The following MED10 variants were observed in gnomAD, a reference collection of about 807,000 sequenced individuals.
The protein encoded by MED10 is mediator of RNA polymerase II transcription subunit 10.
In MED10, 9 loss-of-function variants were observed where a neutral mutation model predicts 17.2. The observed-to-expected ratio is 0.52, with a 90% CI of 0.31 to 0.91. MED10 has a LOEUF of 0.91. Ranked by LOEUF, MED10 falls within the 40% of genes least tolerant of loss-of-function variation. MED10 has a pLI of 0.04. For synonymous variants in MED10, 66 were observed against 59.8 expected, an observed-to-expected ratio of 1.10 and a Z score of -0.48; for missense variants, 129 against 164.8, an observed-to-expected ratio of 0.78 and a Z score of 1.19.
Position 6,372,348 on chromosome 5 carries a change from C to A in MED10, c.*155G>T, listed in dbSNP as rs1307199354. On this transcript the variant is annotated 3_prime_UTR_variant, in exon 4 of 4. Transcript: ENST00000255764. ...CAGCTCCGCCTCTCCTCCAGCCCCT[C>A]GGTCCCATGAGGCCAAACAATGAGG... 6.4e-6 allele frequency: 4 copies of A among 624,134 alleles called. No individual in the cohort carries two copies. The highest frequency in any genetic ancestry group is 1.1e-5 in the Non-Finnish European group (4 of 351,812). 38.7% of individuals were successfully genotyped at this position (624,134 alleles called of 1,614,324 possible).
Position 6,378,480 on chromosome 5 carries a change from C to T in MED10, c.4G>A (p.Ala2Thr). The change falls in exon 1 of 4, where the codon GCG becomes ACG. Residue 2 changes from alanine to threonine, a missense_variant. This residue lies in a region of MED10 where 23 missense variants were observed against 17.7 expected (regional missense o/e 1.30). Transcript: ENST00000255764. MAEKFDHLEEHL... is the reference protein window; with the variant it reads MTEKFDHLEEHL... ...TCCTCTAGGTGGTCAAACTTCTCCG[C>T]CATCGCCTCGGCCCGTCCCCGACCC... 1 of 1,611,538 alleles carries T rather than the reference C, an allele frequency of 6.2e-7. No homozygotes were observed.
rs968656857 is a variant in MED10, at chr5:6,378,385, G to A, written c.99C>T (p.Ser33=). Residue 33 remains serine (S), a synonymous_variant, in exon 1 of 4, where the codon AGC becomes AGT. Coordinates refer to ENST00000255764, the MANE Select transcript of MED10 (RefSeq NM_032286.3). ...ACAGCTTTTGGTTGAGCCCGGCCTGGCTGCTGGGCTGGAAGTCACTGACGA... is the reference window on the plus strand; with the variant it reads ...ACAGCTTTTGGTTGAGCCCGGCCTGACTGCTGGGCTGGAAGTCACTGACGA... ...GIIVSDFQPS[S]QAGLNQKLNF... is the part of the protein sequence containing the mutation. 1.2e-6 allele frequency: 2 copies of A among 1,612,318 alleles called. No individual in the cohort carries two copies. Among genetic ancestry groups the A allele is most frequent in the African/African-American group, 2.7e-5 (2 of 74,914 alleles).
intron 2 of MED10, among the ~76,000 whole-genome samples, chr5:6,376,040 T>C (rs1219665527): frequency 6.6e-6 from 1 of 152,332 alleles, no homozygotes; most frequent in South Asian, 2.1e-4. Flanking sequence ...TCTGTATTCC[T>C]GGACTGAGAA....
At position 6,377,245 on chromosome 5, in the gene MED10, A is replaced by T; in HGVS notation, c.127T>A (p.Phe43Ile). The T allele has an allele frequency of 6.2e-7, 1 of 1,608,614 alleles. No individual in the cohort carries two copies. Among genetic ancestry groups the T allele is most frequent in the Non-Finnish European group, 8.5e-7 (1 of 1,177,936 alleles). The change falls in exon 2 of 4, where the codon TTT (phenylalanine) becomes ATT (isoleucine). Residue 43 changes from phenylalanine (F) to isoleucine (I), a missense_variant. Phe to Ile is a conservative substitution (Grantham distance 21). Transcript: ENST00000255764. ...ATATCCTGTAAGCCAGTAACAATAA[A>T]ATTCCTGGGGGAAAGGCAAACACAC... is the stretch of plus-strand genomic sequence containing the variant. ...SQAGLNQKLN[F>I]IVTGLQDIDK...
At chr5:6,376,143 G>C (rs1324618795) in intron 2 of MED10, among the ~76,000 whole-genome samples, 2 of 152,164 alleles carry the variant, frequency 1.3e-5, no homozygotes, top group Non-Finnish European at 2.9e-5. Context: ...CACAGGTAAG[G>C]AACATGGGGC....
Position 6,378,529 on chromosome 5 carries a change from G to A in MED10, c.-46C>T, listed in dbSNP as rs768068955. On this transcript the variant is annotated 5_prime_UTR_variant, in exon 1 of 4. Coordinates refer to ENST00000255764, the MANE Select transcript of MED10 (RefSeq NM_032286.3). ...CCACACAGCCTCAACCAGCAGCGCC[G>A]CAGGCGTGGCCCTACGCTCCCGCTT... 3.2e-6 allele frequency: 5 copies of A among 1,582,476 alleles called. No individual in the cohort carries two copies. The highest frequency in any genetic ancestry group is 1.4e-5 in the African/African-American group (1 of 73,908).
At chr5:6,376,875 T>C (rs1237926264) in intron 2 of MED10, 2 of 218,398 alleles carry the variant, frequency 9.2e-6, no homozygotes, top group South Asian at 1.5e-4. Context: ...TGAGGACCTA[T>C]GATGTATTTC....
At chr5:6,373,222 C>T (rs1378277980) in intron 3 of MED10, among the ~76,000 whole-genome samples, 1 of 152,104 alleles carries the variant, frequency 6.6e-6, no homozygotes, top group Non-Finnish European at 1.5e-5. Flanking sequence ...CAGCTCCTCC[C>T]CTTGCTCCTC....
At position 6,377,161 on chromosome 5, in the gene MED10, CT is replaced by C; in HGVS notation, c.206+4del. ...CCCAAGACTAATATCAAGAATGTTA[CT>C]TACTCAAAAACTTCTAACGGTACAG... On this transcript the variant is annotated splice_donor_region_variant and intron_variant, in intron 2 of 3. Transcript: ENST00000255764. 1 of 1,589,056 alleles carries C rather than the reference CT, an allele frequency of 6.3e-7. No homozygotes were observed. Among genetic ancestry groups the C allele is most frequent in the South Asian group, 1.1e-5 (1 of 88,526 alleles).
intron 3 of MED10, among the ~76,000 whole-genome samples, chr5:6,373,187 TG>T (rs889366330): frequency 1.8e-4 from 27 of 152,148 alleles, no homozygotes; most frequent in African/African-American, 6.3e-4. Flanking sequence ...GTGACCTGCC[TG>T]TGACTAGGCA....
chr5:6,377,326 C>G (rs536718503), intron 1 of MED10, 77 bp from the exon 2 acceptor site: 165 of 1,027,958 alleles, frequency 1.6e-4, no homozygotes, highest in Admixed American at 2.6e-4. Flanking sequence ...AGCTACCCAG[C>G]CAACCGGGGC....
In MED10 at chr5:6,372,425, G is replaced by T. The variant is rs997655946; in HGVS notation, c.*78C>A. ...GGCCCAGTCCCACCTCAGCAGGAAG[G>T]TGGCGTCAGCACTCGCAGTCCCAGC... is the stretch of plus-strand genomic sequence containing the variant. On this transcript the variant is annotated 3_prime_UTR_variant, in exon 4 of 4. Transcript: ENST00000255764. The T allele has an allele frequency of 4.2e-6, 5 of 1,204,468 alleles. No individual in the cohort carries two copies. Among genetic ancestry groups the T allele is most frequent in the African/African-American group, 1.5e-5 (1 of 66,804 alleles). The allele number at this position is 1,204,468 out of a possible 1,614,324, so 74.6% of individuals were successfully genotyped here.
intron 2 of MED10, among the ~76,000 whole-genome samples, chr5:6,375,731 T>C (rs545123550): frequency 2.0e-4 from 31 of 152,138 alleles, no homozygotes; most frequent in Admixed American, 2.0e-4. Context: ...TGTATGAAAA[T>C]GTACACGCTG....
At chr5:6,373,745 A>G (rs1737936044) in intron 3 of MED10, among the ~76,000 whole-genome samples, 1 of 152,242 alleles carries the variant, frequency 6.6e-6, no homozygotes, top group Admixed American at 6.5e-5. Flanking sequence ...GTGGCCGTTA[A>G]GTCCAAATAA....
At position 6,377,237 on chromosome 5, in the gene MED10, A is replaced by G; in HGVS notation, c.135T>C (p.Val45=). 6.2e-7 allele frequency: 1 copy of G among 1,609,242 alleles called. No homozygotes were observed. The highest frequency in any genetic ancestry group is 8.5e-7 in the Non-Finnish European group (1 of 1,178,158). ...ACTTGTCAATATCCTGTAAGCCAGT[A>G]ACAATAAAATTCCTGGGGGAAAGGC... ...AGLNQKLNFI[V]TGLQDIDKCR... is the part of the protein sequence containing the mutation. The change falls in exon 2 of 4, where the codon GTT becomes GTC. Residue 45 remains valine (V), a synonymous_variant. Coordinates refer to ENST00000255764, the MANE Select transcript of MED10 (RefSeq NM_032286.3).
chr5:6,373,253 G>A (rs1423801094), intron 3 of MED10, among the ~76,000 whole-genome samples: 1 of 152,184 alleles, frequency 6.6e-6, no homozygotes, highest in East Asian at 1.9e-4. Flanking sequence ...AGAGCGCCAA[G>A]AGGCCACTGT....
chr5:6,377,988 T>A (rs1200362831), intron 1 of MED10, among the ~76,000 whole-genome samples: 5 of 152,154 alleles, frequency 3.3e-5, no homozygotes, highest in Non-Finnish European at 4.4e-5. Context: ...CTGCCTCCCC[T>A]CTGGAGACAG....
At chr5:6,373,778 C>T (rs1266690779) in intron 3 of MED10, among the ~76,000 whole-genome samples, 2 of 152,286 alleles carry the variant, frequency 1.3e-5, no homozygotes, top group East Asian at 3.9e-4. Flanking sequence ...CCAATTTGAA[C>T]TACATTTGAG....
chr5:6,374,274 T>C (rs757926807), intron 3 of MED10, 50 bp downstream of exon 3: 2 of 1,288,782 alleles, frequency 1.6e-6, no homozygotes, highest in African/African-American at 1.5e-5. Flanking sequence ...CAAATTCCAC[T>C]GAGAAGGCAT....
Sources: allele counts gnomAD v4.1 joint callset (sites outside exome capture counted in the v4.1 genomes callset), GRCh38; gene constraint gnomAD v4.1.1; regional missense constraint gnomAD v4.1.1; transcripts MANE v1.5; gene names NCBI Gene and HGNC (gene_info 2026-07-23, HGNC 2026-07-21).